The following MAMDC2 variants were observed in gnomAD, a reference collection of about 807,000 sequenced individuals.
The protein encoded by MAMDC2 is MAM domain containing 2.
MAMDC2 carries 57 observed loss-of-function variants against 89.8 expected under a neutral mutation model. That is an observed-to-expected ratio of 0.63 (90% CI 0.51 to 0.79). The LOEUF (loss-of-function observed/expected upper bound fraction) is 0.79, where lower values mean the gene tolerates loss of function less well. Among genes scored for constraint, MAMDC2 ranks in the 30% least tolerant of loss-of-function variants. The pLI is 0.00. For missense variants in MAMDC2, 800 were observed against 820.6 expected, an observed-to-expected ratio of 0.97 and a Z score of 0.31; for synonymous variants, 313 against 293.4, an observed-to-expected ratio of 1.07 and a Z score of -0.68.
intron 2 of MAMDC2, among the ~76,000 whole-genome samples, chr9:70,075,551 G>A (rs1043775550): frequency 6.6e-6 from 1 of 152,176 alleles, no homozygotes; most frequent in Non-Finnish European, 1.5e-5. Flanking sequence ...TTCCTGGGTT[G>A]AGGATTGTGT....
chr9:70,191,287 G>T (rs1389031392), intron 11 of MAMDC2, among the ~76,000 whole-genome samples: 1 of 152,024 alleles, frequency 6.6e-6, no homozygotes, highest in South Asian at 2.1e-4. Flanking sequence ...CCATTTCAAA[G>T]GTTCCATATT....
At chr9:70,202,360 G>A (rs1202716355) in intron 11 of MAMDC2, among the ~76,000 whole-genome samples, 2 of 152,042 alleles carry the variant, frequency 1.3e-5, no homozygotes, top group African/African-American at 2.4e-5. Flanking sequence ...GTAGTTGAGC[G>A]GCTTTGAGTG....
At chr9:70,184,785 CT>C (rs1422036601) in intron 11 of MAMDC2, among the ~76,000 whole-genome samples, 2 of 151,958 alleles carry the variant, frequency 1.3e-5, no homozygotes, top group Non-Finnish European at 2.9e-5. Flanking sequence ...TTCCTGTAAC[CT>C]TTTATCAAGG....
At chr9:70,074,031 T>C (rs1366904665) in intron 2 of MAMDC2, among the ~76,000 whole-genome samples, 2 of 152,206 alleles carry the variant, frequency 1.3e-5, no homozygotes, top group Non-Finnish European at 2.9e-5. Context: ...TGTAATAGTT[T>C]GTGTATGATG....
chr9:70,064,845 A>G (rs1827229286), intron 2 of MAMDC2, among the ~76,000 whole-genome samples: 1 of 152,204 alleles, frequency 6.6e-6, no homozygotes, highest in Non-Finnish European at 1.5e-5. Flanking sequence ...ATCAGTCCAG[A>G]GAGCAGCCAG....
intron 11 of MAMDC2, among the ~76,000 whole-genome samples, chr9:70,199,498 C>T (rs1251831154): frequency 1.3e-5 from 2 of 149,458 alleles, no homozygotes; most frequent in Non-Finnish European, 3.0e-5. Flanking sequence ...GTGAATAATG[C>T]CGCAATAAAC....
At chr9:70,112,374 A>C (rs919651775) in intron 4 of MAMDC2, among the ~76,000 whole-genome samples, 3 of 152,086 alleles carry the variant, frequency 2.0e-5, no homozygotes, top group African/African-American at 7.2e-5. Context: ...AGGGACCAGA[A>C]CCTAGGATAT....
intron 2 of MAMDC2, chr9:70,090,803 A>C (rs2118174977): frequency 6.6e-6 from 1 of 152,322 alleles, no homozygotes; most frequent in Non-Finnish European, 1.5e-5. Flanking sequence ...AAATACAAGA[A>C]GATTTATCAC....
chr9:70,074,319 G>A (rs1827478928), intron 2 of MAMDC2, among the ~76,000 whole-genome samples: 1 of 152,224 alleles, frequency 6.6e-6, no homozygotes, highest in Non-Finnish European at 1.5e-5. Flanking sequence ...CCATGGGCAT[G>A]TGACTGCTGC....
At chr9:70,152,280 G>A (rs1482302574) in intron 9 of MAMDC2, among the ~76,000 whole-genome samples, 8 of 132,286 alleles carry the variant, frequency 6.0e-5, no homozygotes, top group Non-Finnish European at 1.0e-4. Flanking sequence ...ATGAAGCAAC[G>A]CTAAGAGTTT....
At chr9:70,197,615 AC>A (rs376275511) in intron 11 of MAMDC2, among the ~76,000 whole-genome samples, 2 of 152,242 alleles carry the variant, frequency 1.3e-5, no homozygotes, top group Non-Finnish European at 2.9e-5. Context: ...CATTAAAGTC[AC>A]CGGTATGATC....
chr9:70,131,836 A>G (rs2030820100), intron 7 of MAMDC2, among the ~76,000 whole-genome samples: 1 of 152,190 alleles, frequency 6.6e-6, no homozygotes, highest in African/African-American at 2.4e-5. Flanking sequence ...GTCCTATCTT[A>G]GGAAGGTTTC....
chr9:70,129,320 C>T lies in MAMDC2; in HGVS notation c.901-2199C>T, dbSNP rs181744415. Among the ~76,000 whole-genome samples the T allele has an allele frequency of 1.3e-5, 2 of 152,300 alleles. 1 individual carries two copies. Among genetic ancestry groups the T allele is most frequent in the Admixed American group, 1.3e-4 (2 of 15,300 alleles). On this transcript the variant is annotated intron_variant, in intron 6 of 13. Coordinates refer to ENST00000377182, the MANE Select transcript of MAMDC2 (RefSeq NM_153267.5). ...CTCTTCTCTTCTCTTTGCCTGCTTC[C>T]ATCCACATAAGATGTGACTTGCTCC...
intron 11 of MAMDC2, among the ~76,000 whole-genome samples, chr9:70,179,528 A>AAAAT (rs201699305): frequency 0.11 from 9,413 of 85,002 alleles, 488 homozygotes; most frequent in East Asian, 0.34. Context: ...CGTCTCAAAA[A>AAAAT]AAATAAATAA....
At chr9:70,140,590 A>G (rs1173125937) in intron 8 of MAMDC2, among the ~76,000 whole-genome samples, 1 of 152,230 alleles carries the variant, frequency 6.6e-6, no homozygotes, top group Non-Finnish European at 1.5e-5. Flanking sequence ...CGAAATCTCC[A>G]GAAGAGACAT....
In MAMDC2 at chr9:70,108,218, C is replaced by T. The variant is rs749732711; in HGVS notation, c.156C>T (p.Tyr52=). The change falls in exon 3 of 14, where the codon TAC becomes TAT. Residue 52 remains tyrosine, a synonymous_variant. Coordinates refer to ENST00000377182, the MANE Select transcript of MAMDC2 (RefSeq NM_153267.5). ...GTTCCTTTCTCTTTCCAGGCCATTA[C>T]ATTTATGTGGATACCTCCTTTGGCA... ...LPWILNEEGH[Y]IYVDTSFGKQ... 3.1e-6 allele frequency: 5 copies of T among 1,592,294 alleles called. No individual in the cohort carries two copies. The highest frequency in any genetic ancestry group is 3.4e-6 in the Non-Finnish European group (4 of 1,170,590).
chr9:70,070,198 G>A (rs910574808), intron 2 of MAMDC2, among the ~76,000 whole-genome samples: 1 of 152,136 alleles, frequency 6.6e-6, no homozygotes, highest in African/African-American at 2.4e-5. Flanking sequence ...TGCTCCTTGG[G>A]AGGAGAAAAA....
chr9:70,113,382 A>T (rs1828562398), intron 5 of MAMDC2, among the ~76,000 whole-genome samples: 1 of 151,868 alleles, frequency 6.6e-6, no homozygotes, highest in South Asian at 2.1e-4. Context: ...GTTCTCCTTC[A>T]CCTGTGGCCT....
rs1827378124 is a variant in MAMDC2, at chr9:70,070,512, A to G, written c.148+25815A>G. Among the ~76,000 whole-genome samples the G allele has an allele frequency of 2.0e-5, 3 of 152,184 alleles. No individual in the cohort carries two copies. In the South Asian group the frequency reaches 6.2e-4, roughly 32 times the overall value. ...ACTGCAATGTAGTATAAATATCTGT[A>G]GGTGTTGAGCAACATCCAGAGATTT... On this transcript the variant is annotated intron_variant, in intron 2 of 13. Transcript: ENST00000377182.
Sources: allele counts gnomAD v4.1 joint callset (sites outside exome capture counted in the v4.1 genomes callset), GRCh38; gene constraint gnomAD v4.1.1; transcripts MANE v1.5; gene names NCBI Gene and HGNC (gene_info 2026-07-23, HGNC 2026-07-21).